Variants in NR4A2 observed in about 807,000 individuals in gnomAD.
The protein encoded by NR4A2 is NGFI-B/nur77 beta-type transcription factor homolog.
Under a neutral mutation model 50.5 loss-of-function variants are expected in NR4A2, and 1 was observed. The ratio of observed to expected loss-of-function variants is 0.02; its 90% CI spans 0.01 to 0.09. NR4A2 has a LOEUF of 0.09. Among genes scored for constraint, NR4A2 ranks in the 10% least tolerant of loss-of-function variants. The pLI is 1.00. For synonymous variants in NR4A2, 328 were observed against 309.4 expected (o/e 1.06, Z -0.63); for missense variants, 613 against 777.3 (o/e 0.79, Z 2.51).
At chr2:156,330,450 C>G (rs564272148) in intron 2 of NR4A2, among the ~76,000 whole-genome samples, 3 of 152,174 alleles carry the variant, frequency 2.0e-5, no homozygotes, top group Admixed American at 6.5e-5. Flanking sequence ...CATACCCCCC[C>G]ACTCATCCCA....
chr2:156,328,398 G>C lies in NR4A2; in HGVS notation c.994+6C>G. On this transcript the variant is annotated splice_donor_region_variant and intron_variant, in intron 4 of 7. Transcript: ENST00000339562. This position sits in a 1 kb window ranked among gnomAD's most constrained non-coding sequence, Gnocchi z 4.9. ...ACTGGAGGGTCGGCAGCTCCCCTCAGCCTACCTTCTTTGACCATCCCAACA... is the reference window on the plus strand; with the variant it reads ...ACTGGAGGGTCGGCAGCTCCCCTCACCCTACCTTCTTTGACCATCCCAACA... 1 of 1,614,146 alleles carries C rather than the reference G, an allele frequency of 6.2e-7. No individual in the cohort carries two copies.
rs1467227324 is a variant in NR4A2 at position 156,326,000 on chromosome 2, T to C, written c.1541A>G (p.Glu514Gly). The change falls in exon 8 of 8, where the codon GAG (glutamate) becomes GGG (glycine). Residue 514 changes from glutamate (E) to glycine (G), a missense_variant and splice_region_variant. Glu to Gly is a moderately conservative substitution (Grantham distance 98, BLOSUM62 -2). Around this residue, in one of 4 missense-constraint regions of NR4A2, gnomAD observed 250 missense variants for 311.3 expected, o/e 0.80. Coordinates refer to ENST00000339562, the MANE Select transcript of NR4A2 (RefSeq NM_006186.4). Reference sequence around the variant, plus strand: ...CTTGGGTTCCTTGAGCCCGTGTCTCTCTGCAGAAAACATAATCAGAAACAA... The same window carrying C: ...CTTGGGTTCCTTGAGCCCGTGTCTCCCTGCAGAAAACATAATCAGAAACAA... ...SCIAALAMVT[E>G]RHGLKEPKRV... is the part of the protein sequence containing the mutation. The C allele has an allele frequency of 1.2e-6, 2 of 1,614,188 alleles. No individual in the cohort carries two copies. Among genetic ancestry groups the C allele is most frequent in the East Asian group, 2.2e-5 (1 of 44,888 alleles).
At position 156,325,657 on chromosome 2, in the gene NR4A2, A is replaced by T; in HGVS notation, c.*87T>A. The T allele has an allele frequency of 6.5e-7, 1 of 1,539,484 alleles. No homozygotes were observed. The highest frequency in any genetic ancestry group is 9.0e-7 in the Non-Finnish European group (1 of 1,114,274). On this transcript the variant is annotated 3_prime_UTR_variant, in exon 8 of 8. Transcript: ENST00000339562. ...GGGGCAGCTTGAGCTGAGACTGCTC[A>T]CACGGCTATCTCTGCCCATGTGACT...
rs953112502 is a variant in NR4A2 at position 156,328,307 on chromosome 2, A to G, written c.994+97T>C. 1.9e-6 allele frequency: 3 copies of G among 1,580,648 alleles called. No homozygotes were observed. Among genetic ancestry groups the G allele is most frequent in the Non-Finnish European group, 2.6e-6 (3 of 1,151,154 alleles). On this transcript the variant is annotated intron_variant, in intron 4 of 7. Transcript: ENST00000339562. This position sits in a 1 kb window ranked among gnomAD's most constrained non-coding sequence, Gnocchi z 4.9. ...GGAGGCCATACTGAGGGGGAGTCGG[A>G]GATCCCCAGCACCGGGAAGTGGAAC...
At position 156,326,344 on chromosome 2, in the gene NR4A2, AAG is replaced by A. The variant is rs762397068; in HGVS notation, c.1362-18_1362-17del. The A allele has an allele frequency of 1.2e-5, 20 of 1,609,308 alleles. No individual in the cohort carries two copies. The highest frequency in any genetic ancestry group is 1.7e-5 in the Admixed American group (1 of 60,018). Reference sequence around the variant, plus strand: ...TGGGTTGGACCTGCAATTAATACCAAAGAGAGAGAGGGGAGAAAAAGAGAGAG... The same window carrying A: ...TGGGTTGGACCTGCAATTAATACCAAAGAGAGAGGGGAGAAAAAGAGAGAG... On this transcript the variant is annotated splice_polypyrimidine_tract_variant and intron_variant, in intron 6 of 7. Transcript: ENST00000339562. The surrounding 1 kb of genome is among the most constrained non-coding windows in gnomAD (Gnocchi z 4.2).
At chr2:156,330,403 A>G (rs1300563505) in intron 2 of NR4A2, among the ~76,000 whole-genome samples, 1 of 152,052 alleles carries the variant, frequency 6.6e-6, no homozygotes, top group Non-Finnish European at 1.5e-5. Flanking sequence ...AAAGCTACTG[A>G]GGGTCTACAC....
At position 156,325,843 on chromosome 2, in the gene NR4A2, GC is replaced by G; in HGVS notation, c.1697del (p.Cys566SerfsTer11). ...LGKLPELRTLCTQGLQRIFYL... is the reference protein window; with the variant it reads ...LGKLPELRTLXTQGLQRIFYL... Reference sequence around the variant, plus strand: ...AGAAAATGCGCTGTAGCCCCTGTGTGCAAAGGGTACGAAGTTCTGGGAGCTT... The same window carrying G: ...AGAAAATGCGCTGTAGCCCCTGTGTGAAAGGGTACGAAGTTCTGGGAGCTT... On this transcript the variant is annotated frameshift_variant, in exon 8 of 8. Coordinates refer to ENST00000339562, the MANE Select transcript of NR4A2 (RefSeq NM_006186.4). LOFTEE classifies it high-confidence loss of function. 1 of 1,614,198 alleles carries G rather than the reference GC, an allele frequency of 6.2e-7. No individual in the cohort carries two copies. Among genetic ancestry groups the G allele is most frequent in the Non-Finnish European group, 8.5e-7 (1 of 1,180,030 alleles).
chr2:156,326,398 A>G lies in NR4A2; in HGVS notation c.1362-70T>C. The G allele has an allele frequency of 7.3e-7, 1 of 1,373,262 alleles. No homozygotes were observed. Among genetic ancestry groups the G allele is most frequent in the Admixed American group, 1.7e-5 (1 of 59,134 alleles). 85.1% of individuals were successfully genotyped at this position (1,373,262 alleles called of 1,614,324 possible). A position where few individuals can be genotyped will look rare whatever the true frequency, so the allele number is the denominator to read the frequency against. The stretch of plus-strand genomic sequence containing the variant: ...GAAAAGCTAAACAACTAATTACTTG[A>G]AGAGCAATAAATGAGGGATTTAAGA... On this transcript the variant is annotated intron_variant, in intron 6 of 7. Transcript: ENST00000339562. The surrounding 1 kb of genome is among the most constrained non-coding windows in gnomAD (Gnocchi z 4.2).
chr2:156,331,343 G>C (rs1686916742), intron 1 of NR4A2, among the ~76,000 whole-genome samples: 1 of 152,236 alleles, frequency 6.6e-6, no homozygotes, highest in African/African-American at 2.4e-5. Flanking sequence ...CACTTCTAAA[G>C]TGCTTTTGAC....
At chr2:156,332,239 C>T (rs187600911) in intron 1 of NR4A2, among the ~76,000 whole-genome samples, 1 of 152,306 alleles carries the variant, frequency 6.6e-6, no homozygotes, top group African/African-American at 2.4e-5. Context: ...TCCACGTCCA[C>T]CAATGAGGAG....
chr2:156,327,003 G>A (rs1686679122), intron 5 of NR4A2, 83 bp from the exon 6 acceptor site: 1 of 1,321,856 alleles, frequency 7.6e-7, no homozygotes, highest in African/African-American at 1.4e-5. Context: ...TTCTAATAGG[G>A]GAGCCAGGTT....
In NR4A2 at chr2:156,329,753, T is replaced by G; in HGVS notation, c.434A>C (p.Asp145Ala). Residue 145 changes from aspartate to alanine, a missense_variant, in exon 3 of 8, where the codon GAC becomes GCC. By Grantham distance (126) the Asp-to-Ala change is moderately radical. Transcript: ENST00000339562. This position sits in a 1 kb window ranked among gnomAD's most constrained non-coding sequence, Gnocchi z 7.5. ...GTGGAAGTTGTGGAGAGATCCCGGG[T>G]CGTCCCACATGGGGCTGTGCTGCAC... ...FQVQHSPMWD[D>A]PGSLHNFHQN... 1 of 1,613,532 alleles carries G rather than the reference T, an allele frequency of 6.2e-7. No individual in the cohort carries two copies. The highest frequency in any genetic ancestry group is 8.5e-7 in the Non-Finnish European group (1 of 1,179,586).
At position 156,328,522 on chromosome 2, in the gene NR4A2, T is replaced by C; in HGVS notation, c.876A>G (p.Gln292=). The part of the protein sequence containing the change: ...GCKGFFKRTV[Q]KNAKYVCLAN... ...CTAAACACACGTATTTTGCATTTTT[T>C]TGCACTGTGCGCTGCAAAAGGAGAC... The change falls in exon 4 of 8, where the codon CAA becomes CAG. Residue 292 remains glutamine, a synonymous_variant. Coordinates refer to ENST00000339562, the MANE Select transcript of NR4A2 (RefSeq NM_006186.4). The surrounding 1 kb of genome is among the most constrained non-coding windows in gnomAD (Gnocchi z 4.9). 6.2e-7 allele frequency: 1 copy of C among 1,614,252 alleles called. No individual in the cohort carries two copies. The highest frequency in any genetic ancestry group is 8.5e-7 in the Non-Finnish European group (1 of 1,180,042).
rs773287780 is a variant in NR4A2 at position 156,327,837 on chromosome 2, C to A, written c.1158+14G>T. On this transcript the variant is annotated intron_variant, in intron 5 of 7. Coordinates refer to ENST00000339562, the MANE Select transcript of NR4A2 (RefSeq NM_006186.4). ...CGGTTTGTCCACATGATATCCCCCC[C>A]GCCAGCTTCTTACCCTGGAATAGTC... is the stretch of plus-strand genomic sequence containing the variant. 3 of 1,565,872 alleles carry A rather than the reference C, an allele frequency of 1.9e-6. No individual in the cohort carries two copies. Among genetic ancestry groups the A allele is most frequent in the South Asian group, 2.3e-5 (2 of 85,156 alleles).
At position 156,325,651 on chromosome 2, in the gene NR4A2, C is replaced by G. The variant is rs1686607667; in HGVS notation, c.*93G>C. ...AAATGGGGGGCAGCTTGAGCTGAGACTGCTCACACGGCTATCTCTGCCCAT... is the reference window on the plus strand; with the variant it reads ...AAATGGGGGGCAGCTTGAGCTGAGAGTGCTCACACGGCTATCTCTGCCCAT... On this transcript the variant is annotated 3_prime_UTR_variant, in exon 8 of 8. Transcript: ENST00000339562. The G allele has an allele frequency of 2.0e-6, 3 of 1,506,128 alleles. No individual in the cohort carries two copies. The highest frequency in any genetic ancestry group is 9.2e-7 in the Non-Finnish European group (1 of 1,084,086). 93.3% of individuals were successfully genotyped at this position (1,506,128 alleles called of 1,614,324 possible). A position where few individuals can be genotyped will look rare whatever the true frequency, so the allele number is the denominator to read the frequency against.
At position 156,328,065 on chromosome 2, in the gene NR4A2, T is replaced by C; in HGVS notation, c.995-51A>G. The C allele has an allele frequency of 6.4e-7, 1 of 1,573,158 alleles. No homozygotes were observed. The highest frequency in any genetic ancestry group is 1.3e-5 in the African/African-American group (1 of 74,262). ...CCGCTTTTCCGAGCCCAGGCCCAGCTGCTGCCTCGGTCCCTCCCCGGGGAA... is the reference window on the plus strand; with the variant it reads ...CCGCTTTTCCGAGCCCAGGCCCAGCCGCTGCCTCGGTCCCTCCCCGGGGAA... On this transcript the variant is annotated intron_variant, in intron 4 of 7. Coordinates refer to ENST00000339562, the MANE Select transcript of NR4A2 (RefSeq NM_006186.4). The surrounding 1 kb of genome is among the most constrained non-coding windows in gnomAD (Gnocchi z 4.9).
In NR4A2 at chr2:156,325,640, T is replaced by C. The variant is rs1686607132; in HGVS notation, c.*104A>G. 7.0e-7 allele frequency: 1 copy of C among 1,430,428 alleles called. No homozygotes were observed. Among genetic ancestry groups the C allele is most frequent in the Admixed American group, 1.7e-5 (1 of 59,798 alleles). The allele number at this position is 1,430,428 out of a possible 1,614,324, so 88.6% of individuals were successfully genotyped here. ...GAGGGTTACAGAAATGGGGGGCAGC[T>C]TGAGCTGAGACTGCTCACACGGCTA... On this transcript the variant is annotated 3_prime_UTR_variant, in exon 8 of 8. Transcript: ENST00000339562.
Position 156,326,830 on chromosome 2 carries a change from T to A in NR4A2, c.1249A>T (p.Ile417Phe). ...GGGATCTTCTCTGCCCAGCCCCGGA[T>A]GATCTCCATGGAGCCAGTCAGGAGA... Reference protein sequence around the residue: ...YDLLTGSMEIIRGWAEKIPGF... With the variant: ...YDLLTGSMEIFRGWAEKIPGF... Residue 417 changes from isoleucine (I) to phenylalanine (F), a missense_variant, in exon 6 of 8, where the codon ATC (isoleucine) becomes TTC (phenylalanine). Physicochemically the swap from Ile to Phe is conservative, Grantham distance 21. This residue lies in a region of NR4A2 where 250 missense variants were observed against 311.3 expected (regional missense o/e 0.80). Transcript: ENST00000339562. This position sits in a 1 kb window ranked among gnomAD's most constrained non-coding sequence, Gnocchi z 4.2. 1 of 1,614,280 alleles carries A rather than the reference T, an allele frequency of 6.2e-7. No homozygotes were observed. Among genetic ancestry groups the A allele is most frequent in the Non-Finnish European group, 8.5e-7 (1 of 1,180,048 alleles).
rs1023853994 is a variant in NR4A2 at position 156,327,898 on chromosome 2, C to A, written c.1111G>T (p.Ala371Ser). The A allele has an allele frequency of 1.3e-6, 2 of 1,595,224 alleles. No individual in the cohort carries two copies. Among genetic ancestry groups the A allele is most frequent in the Admixed American group, 3.5e-5 (2 of 57,374 alleles). ...ATAGCCGGGTTGGAGTCGACATGGG[C>A]CCTGACGAGGGCACTGATCAGACTC... ...PVSLISALVR[A>S]HVDSNPAMTS... The change falls in exon 5 of 8, where the codon GCC becomes TCC. Residue 371 changes from alanine to serine, a missense_variant. Ala to Ser is a moderately conservative substitution (Grantham distance 99). Transcript: ENST00000339562.
Sources: allele counts gnomAD v4.1 joint callset (sites outside exome capture counted in the v4.1 genomes callset), GRCh38; gene constraint gnomAD v4.1.1; regional missense constraint gnomAD v4.1.1; non-coding constraint Gnocchi (gnomAD v3.1); transcripts MANE v1.5; gene names NCBI Gene and HGNC (gene_info 2026-07-23, HGNC 2026-07-21).